Variants in COL5A2 observed in about 807,000 individuals in gnomAD.
COL5A2 encodes the protein collagen alpha-2(V) chain.
In COL5A2, 23 loss-of-function variants were observed where a neutral mutation model predicts 208.2. That is an observed-to-expected ratio of 0.11 (90% CI 0.08 to 0.16). The LOEUF (loss-of-function observed/expected upper bound fraction) is 0.16, where lower values mean the gene tolerates loss of function less well. Ranked by LOEUF, COL5A2 falls within the 10% of genes least tolerant of loss-of-function variation. The probability of loss-of-function intolerance (pLI) is 1.00; values close to 1 mark genes in which losing one functional copy is unlikely to be tolerated. For missense variants in COL5A2, 1,590 were observed against 1,956.4 expected, an observed-to-expected ratio of 0.81 and a Z score of 3.53; for synonymous variants, 625 against 628.5, an observed-to-expected ratio of 0.99 and a Z score of 0.08.
At chr2:189,434,376 T>G in the COL5A2 span, among the ~76,000 whole-genome samples, 122,026 of 151,940 alleles carry the variant, frequency 0.8, 50,471 homozygotes, top group Non-Finnish European at 0.91. Context: ...ATTAGGAAAA[T>G]AGGAAGTCAA....
chr2:189,423,595 T>C, the COL5A2 span, among the ~76,000 whole-genome samples: 3 of 151,992 alleles, frequency 2.0e-5, no homozygotes, highest in African/African-American at 7.2e-5. Context: ...TTATGAACAA[T>C]TATATGCCAA....
the COL5A2 span, among the ~76,000 whole-genome samples, chr2:189,356,768 G>GT: frequency 6.6e-6 from 1 of 152,112 alleles, no homozygotes; most frequent in Admixed American, 6.5e-5. Flanking sequence ...ATTCAGTTTT[G>GT]TTCCCTTGCT....
At chr2:189,087,104 T>A (rs72904490) in intron 8 of COL5A2, among the ~76,000 whole-genome samples, 21,390 of 152,232 alleles carry the variant, frequency 0.14, 1,500 homozygotes, top group Middle Eastern at 0.2. Flanking sequence ...AAATCTTGGC[T>A]GACATAAGTT....
At chr2:189,132,255 T>C (rs1559118433) in intron 1 of COL5A2, among the ~76,000 whole-genome samples, 1 of 152,166 alleles carries the variant, frequency 6.6e-6, no homozygotes, top group South Asian at 2.1e-4. Flanking sequence ...CATTCCTAAA[T>C]AACAGTATCA....
Position 189,160,179 on chromosome 2 carries a change from C to T in COL5A2, c.97+19329G>A, listed in dbSNP as rs529356505. On this transcript the variant is annotated intron_variant, in intron 1 of 53. Transcript: ENST00000374866. Reference sequence around the variant, plus strand: ...TCCAACATCCTCTGCATCATTCATTCCTTGTAGATTCAGTGTCCTCATCTT... The same window carrying T: ...TCCAACATCCTCTGCATCATTCATTTCTTGTAGATTCAGTGTCCTCATCTT... Among the ~76,000 whole-genome samples the T allele has an allele frequency of 1.9e-4, 29 of 152,228 alleles. 1 individual carries two copies. The South Asian group carries it at 6.0e-3, about 32-fold the overall frequency.
chr2:189,103,414 T>A (rs1229178254), intron 3 of COL5A2, among the ~76,000 whole-genome samples: 1 of 152,052 alleles, frequency 6.6e-6, no homozygotes, highest in Non-Finnish European at 1.5e-5. Context: ...TGTTATCTGA[T>A]AAATCATTTT....
At chr2:189,315,170 C>T in the COL5A2 span, among the ~76,000 whole-genome samples, 1 of 152,016 alleles carries the variant, frequency 6.6e-6, no homozygotes, top group Non-Finnish European at 1.5e-5. Flanking sequence ...TGCAAAAATC[C>T]CCAACAAAAT....
At chr2:189,211,402 A>G (rs535383281) in intron 1 of COL5A2, among the ~76,000 whole-genome samples, 64 of 152,342 alleles carry the variant, frequency 4.2e-4, no homozygotes, top group African/African-American at 1.5e-3. Flanking sequence ...TCTCACCTTA[A>G]GTTTAAAACT....
At chr2:189,117,543 T>C (rs2105728355) in intron 1 of COL5A2, among the ~76,000 whole-genome samples, 1 of 152,184 alleles carries the variant, frequency 6.6e-6, no homozygotes, top group Admixed American at 6.5e-5. Flanking sequence ...GAGACAAAAA[T>C]CTGCTTAACT....
At chr2:189,142,789 C>T (rs1559123069) in intron 1 of COL5A2, among the ~76,000 whole-genome samples, 1 of 152,038 alleles carries the variant, frequency 6.6e-6, no homozygotes, top group African/African-American at 2.4e-5. Flanking sequence ...TGCCCTCAGT[C>T]GCACTCTGGC....
chr2:189,199,110 C>T (rs1417595830), intron 1 of COL5A2, among the ~76,000 whole-genome samples: 1 of 152,024 alleles, frequency 6.6e-6, no homozygotes, highest in Admixed American at 6.6e-5. Flanking sequence ...GACTATGGCT[C>T]CTTAAGAGAA....
At chr2:189,051,558 C>A in intron 41 of COL5A2, 77 bp from the exon 42 acceptor site, 5 of 1,344,448 alleles carry the variant, frequency 3.7e-6, no homozygotes, top group Non-Finnish European at 5.0e-6. Context: ...ACGCTGTCTG[C>A]CTCAGATGCA....
chr2:189,134,013 T>A (rs1244501915), intron 1 of COL5A2, among the ~76,000 whole-genome samples: 1 of 151,944 alleles, frequency 6.6e-6, no homozygotes, highest in Non-Finnish European at 1.5e-5. Flanking sequence ...AAGCTCTTCT[T>A]TCACCAACAA....
chr2:189,189,089 C>A (rs1379520490), intron 1 of COL5A2, among the ~76,000 whole-genome samples: 1 of 152,120 alleles, frequency 6.6e-6, no homozygotes. Flanking sequence ...TATAAATCTG[C>A]CATTTTAAGT....
chr2:189,337,820 C>CAA, the COL5A2 span, among the ~76,000 whole-genome samples: 11 of 143,702 alleles, frequency 7.7e-5, no homozygotes, highest in African/African-American at 2.8e-4. Flanking sequence ...TCCATCCTAG[C>CAA]AAAAAAAAAA....
At chr2:189,206,968 A>C (rs945523225) in intron 1 of COL5A2, among the ~76,000 whole-genome samples, 5 of 152,234 alleles carry the variant, frequency 3.3e-5, no homozygotes, top group Non-Finnish European at 7.3e-5. Flanking sequence ...ATTGCCAACA[A>C]TTTTTATAAA....
intron 12 of COL5A2, among the ~76,000 whole-genome samples, chr2:189,083,494 A>T (rs1458705032): frequency 6.6e-6 from 1 of 152,144 alleles, no homozygotes; most frequent in East Asian, 1.9e-4. Context: ...GCAGCCAAAG[A>T]AGCATCCCAT....
chr2:189,229,450 A>AG (rs968788946), upstream of COL5A2, among the ~76,000 whole-genome samples: 1 of 151,458 alleles, frequency 6.6e-6, no homozygotes, highest in Non-Finnish European at 1.5e-5. Flanking sequence ...ACAAAAAAAA[A>AG]ACCTATTAGA....
At chr2:189,079,919 C>T in intron 14 of COL5A2, 59 bp downstream of exon 14, 3 of 1,417,730 alleles carry the variant, frequency 2.1e-6, no homozygotes, top group Non-Finnish European at 3.0e-6. Flanking sequence ...AATGTGTAAA[C>T]ATTTGAAGCA....
Sources: allele counts gnomAD v4.1 joint callset (sites outside exome capture counted in the v4.1 genomes callset), GRCh38; gene constraint gnomAD v4.1.1; transcripts MANE v1.5; gene names NCBI Gene and HGNC (gene_info 2026-07-23, HGNC 2026-07-21).